The following HPSE2 variants were observed in gnomAD, a reference collection of about 807,000 sequenced individuals.
The protein encoded by HPSE2 is inactive heparanase-2.
Under a neutral mutation model 60.5 loss-of-function variants are expected in HPSE2, and 38 were observed. That is an observed-to-expected ratio of 0.63 (90% CI 0.48 to 0.82). The LOEUF is 0.82. Ranked by LOEUF, HPSE2 falls within the 40% of genes least tolerant of loss-of-function variation. The probability of loss-of-function intolerance (pLI) is 0.00; values close to 1 mark genes in which losing one functional copy is unlikely to be tolerated. For synonymous variants in HPSE2, 295 were observed against 293.2 expected (o/e 1.01, Z -0.06); for missense variants, 713 against 740.4 (o/e 0.96, Z 0.43).
At chr10:98,875,658 C>T (rs780391565) in intron 3 of HPSE2, among the ~76,000 whole-genome samples, 1 of 151,926 alleles carries the variant, frequency 6.6e-6, no homozygotes, top group Non-Finnish European at 1.5e-5. Context: ...AAAGGAGGGA[C>T]TCCTCCCTAA....
At chr10:98,521,401 C>A (rs10786435) in intron 9 of HPSE2, among the ~76,000 whole-genome samples, 70,951 of 152,100 alleles carry the variant, frequency 0.47, 19,572 homozygotes, top group South Asian at 0.64. Context: ...CATCACTGAT[C>A]ACCAGAGAAA....
At position 99,020,216 on chromosome 10, in the gene HPSE2, G is replaced by A. The variant is rs556498993; in HGVS notation, c.610+124022C>T. 4.6e-5 allele frequency among the ~76,000 whole-genome samples: 7 copies of A among 152,186 alleles called. No individual in the cohort carries two copies. The East Asian group carries it at 9.6e-4, about 21-fold the overall frequency. ...GTTACAATACCAAATAGAACCAGAC[G>A]TAGTCTCTGATCTGGAGATATTTAA... On this transcript the variant is annotated intron_variant, in intron 3 of 11. Coordinates refer to ENST00000370552, the MANE Select transcript of HPSE2 (RefSeq NM_021828.5).
At chr10:99,296,356 C>G in the HPSE2 span, among the ~76,000 whole-genome samples, 2 of 152,048 alleles carry the variant, frequency 1.3e-5, no homozygotes, top group African/African-American at 4.8e-5. Context: ...CAATCAGATG[C>G]CCCCCCAACA....
chr10:98,552,426 T>C (rs1291910318), intron 9 of HPSE2, among the ~76,000 whole-genome samples: 1 of 152,056 alleles, frequency 6.6e-6, no homozygotes, highest in African/African-American at 2.4e-5. Context: ...GGCAGAGAAA[T>C]GAATGAAAAA....
intron 6 of HPSE2, among the ~76,000 whole-genome samples, chr10:98,661,316 C>T (rs1270416126): frequency 6.6e-6 from 1 of 152,202 alleles, no homozygotes; most frequent in Non-Finnish European, 1.5e-5. Flanking sequence ...TCTGTTGCAT[C>T]AGAATCACTT....
At chr10:98,663,368 C>T (rs1324756215) in intron 6 of HPSE2, among the ~76,000 whole-genome samples, 1 of 152,008 alleles carries the variant, frequency 6.6e-6, no homozygotes, top group Non-Finnish European at 1.5e-5. Context: ...ATAAGGGACT[C>T]ATATTGAGGA....
At chr10:99,118,327 T>G (rs1220211627) in intron 3 of HPSE2, among the ~76,000 whole-genome samples, 2 of 151,570 alleles carry the variant, frequency 1.3e-5, no homozygotes, top group African/African-American at 4.8e-5. Flanking sequence ...ATCGAGACCA[T>G]CCTGGCTAAC....
rs77569782 is a variant in HPSE2 at position 98,844,429 on chromosome 10, A to G, written c.611-100373T>C. On this transcript the variant is annotated intron_variant, in intron 3 of 11. Transcript: ENST00000370552. ...TTATGTGATTTTGATAATTATTTAA[A>G]TGATACTAGTATGTCCAACCATAAT... 3.7e-3 allele frequency among the ~76,000 whole-genome samples: 567 copies of G among 152,334 alleles called. 2 individuals carry two copies. Among genetic ancestry groups the G allele is most frequent in the African/African-American group, 0.013 (541 of 41,582 alleles).
intron 1 of HPSE2, among the ~76,000 whole-genome samples, chr10:99,233,495 C>G (rs745618954): frequency 3.9e-5 from 6 of 152,206 alleles, no homozygotes; most frequent in Non-Finnish European, 7.3e-5. Context: ...CCAAAGGCTG[C>G]TGCTTTGGGA....
At chr10:99,143,458 G>A (rs1845938361) in intron 3 of HPSE2, among the ~76,000 whole-genome samples, 1 of 151,922 alleles carries the variant, frequency 6.6e-6, no homozygotes, top group South Asian at 2.1e-4. Context: ...CATAAACAAG[G>A]GAAAACACAT....
chr10:98,732,947 A>G (rs1293307396), intron 4 of HPSE2, among the ~76,000 whole-genome samples: 1 of 152,222 alleles, frequency 6.6e-6, no homozygotes, highest in Admixed American at 6.5e-5. Context: ...TTAAAAGAGC[A>G]AAAGCTTTGG....
At chr10:98,616,930 A>T (rs1945927581) in intron 8 of HPSE2, among the ~76,000 whole-genome samples, 1 of 152,236 alleles carries the variant, frequency 6.6e-6, no homozygotes, top group African/African-American at 2.4e-5. Flanking sequence ...ATACCTTGTC[A>T]AAGGCTGTCC....
intron 9 of HPSE2, among the ~76,000 whole-genome samples, chr10:98,576,380 A>C (rs1353885845): frequency 1.3e-5 from 2 of 152,216 alleles, no homozygotes; most frequent in Non-Finnish European, 2.9e-5. Flanking sequence ...GACTCAATAC[A>C]GTTTAATATC....
intron 2 of HPSE2, among the ~76,000 whole-genome samples, chr10:99,160,637 C>T (rs756644926): frequency 7.2e-5 from 11 of 152,124 alleles, no homozygotes; most frequent in African/African-American, 2.4e-4. Flanking sequence ...CGGTGGCTCA[C>T]GCCTGTAATC....
chr10:99,161,736 G>A (rs1186567842), intron 2 of HPSE2, among the ~76,000 whole-genome samples: 2 of 152,126 alleles, frequency 1.3e-5, no homozygotes, highest in African/African-American at 4.8e-5. Context: ...ATACATCCAT[G>A]TTCACAGCAG....
chr10:99,137,296 C>T (rs543135949), intron 3 of HPSE2, among the ~76,000 whole-genome samples: 2 of 152,202 alleles, frequency 1.3e-5, no homozygotes, highest in South Asian at 2.1e-4. Context: ...GAATCAATAT[C>T]GTGAAAATGG....
At chr10:98,944,629 A>G (rs376781281) in intron 3 of HPSE2, among the ~76,000 whole-genome samples, 16 of 152,236 alleles carry the variant, frequency 1.1e-4, no homozygotes, top group African/African-American at 3.6e-4. Flanking sequence ...TAACATACTA[A>G]GCTTTAGAGG....
chr10:98,863,815 G>A (rs577255558), intron 3 of HPSE2, among the ~76,000 whole-genome samples: 1 of 152,142 alleles, frequency 6.6e-6, no homozygotes, highest in South Asian at 2.1e-4. Context: ...GGATTTTTTA[G>A]AATCTATTAA....
At chr10:99,125,741 T>C (rs942079551) in intron 3 of HPSE2, among the ~76,000 whole-genome samples, 2 of 152,128 alleles carry the variant, frequency 1.3e-5, no homozygotes, top group Non-Finnish European at 2.9e-5. Context: ...ACCTTACCTA[T>C]AGTTGAAATG....
Sources: allele counts gnomAD v4.1 joint callset (sites outside exome capture counted in the v4.1 genomes callset), GRCh38; gene constraint gnomAD v4.1.1; transcripts MANE v1.5; gene names NCBI Gene and HGNC (gene_info 2026-07-23, HGNC 2026-07-21).